NRXN3: variants seen among roughly 807,000 people sequenced by gnomAD.
NRXN3 encodes neurexin III.
NRXN3 carries 32 observed loss-of-function variants against 137.6 expected under a neutral mutation model. The observed-to-expected ratio is 0.23, with a 90% CI of 0.18 to 0.31. NRXN3 has a LOEUF of 0.31. Ranked by LOEUF, NRXN3 falls within the 10% of genes least tolerant of loss-of-function variation. The pLI is 1.00. For synonymous variants in NRXN3, 798 were observed against 784.5 expected (o/e 1.02, Z -0.29); for missense variants, 1,574 against 2,062.5 (o/e 0.76, Z 4.59).
At chr14:78,932,184 A>C (rs907115354) in intron 10 of NRXN3, among the ~76,000 whole-genome samples, 8 of 152,052 alleles carry the variant, frequency 5.3e-5, no homozygotes, top group Non-Finnish European at 1.2e-4. Context: ...AAGCCAAGGA[A>C]ATCATTTGGC....
intron 4 of NRXN3, among the ~76,000 whole-genome samples, chr14:78,525,435 T>C (rs2096363198): frequency 6.6e-6 from 1 of 152,228 alleles, no homozygotes; most frequent in Non-Finnish European, 1.5e-5. Context: ...CTATTGCTTT[T>C]ATTTGCATAA....
chr14:78,384,606 T>G (rs999509406), intron 4 of NRXN3, among the ~76,000 whole-genome samples: 13 of 152,150 alleles, frequency 8.5e-5, no homozygotes, highest in African/African-American at 3.1e-4. Context: ...GTAGACCCAC[T>G]ATAACTGGGG....
At chr14:79,827,697 T>G (rs1311823914) in intron 20 of NRXN3, among the ~76,000 whole-genome samples, 1 of 147,464 alleles carries the variant, frequency 6.8e-6, no homozygotes, top group Non-Finnish European at 1.5e-5. Context: ...CAAACTTTTT[T>G]TTTTTTTTTT....
At chr14:79,510,354 C>T (rs2096920883) in intron 16 of NRXN3, among the ~76,000 whole-genome samples, 1 of 152,024 alleles carries the variant, frequency 6.6e-6, no homozygotes, top group Non-Finnish European at 1.5e-5. Context: ...CAGCTAACAG[C>T]AGGGGAATTG....
chr14:79,831,643 G>T (rs1459002905), intron 20 of NRXN3, among the ~76,000 whole-genome samples: 1 of 152,140 alleles, frequency 6.6e-6, no homozygotes, highest in Non-Finnish European at 1.5e-5. Flanking sequence ...TCTAAGAAAT[G>T]ATGAGGATGA....
intron 10 of NRXN3, among the ~76,000 whole-genome samples, chr14:78,879,108 G>T (rs2099121288): frequency 6.6e-6 from 1 of 152,030 alleles, no homozygotes. Context: ...CCATTTATGT[G>T]TCGATGAACA....
At chr14:79,191,433 C>T (rs923883248) in intron 15 of NRXN3, among the ~76,000 whole-genome samples, 3 of 152,158 alleles carry the variant, frequency 2.0e-5, no homozygotes, top group Non-Finnish European at 4.4e-5. Flanking sequence ...CATGTTCCTG[C>T]CCAATTTTAA....
At chr14:78,728,116 T>C (rs2098495438) in intron 8 of NRXN3, among the ~76,000 whole-genome samples, 1 of 152,250 alleles carries the variant, frequency 6.6e-6, no homozygotes, top group Non-Finnish European at 1.5e-5. Flanking sequence ...CTGTCTATTC[T>C]AAAGCAATTT....
At chr14:78,638,550 G>A (rs1005768769) in intron 4 of NRXN3, among the ~76,000 whole-genome samples, 1 of 152,290 alleles carries the variant, frequency 6.6e-6, no homozygotes, top group East Asian at 1.9e-4. Context: ...AGCAGGAAAT[G>A]TCATTAAGTG....
At chr14:79,654,454 T>C (rs1005012198) in intron 16 of NRXN3, among the ~76,000 whole-genome samples, 1 of 152,196 alleles carries the variant, frequency 6.6e-6, no homozygotes, top group Non-Finnish European at 1.5e-5. Flanking sequence ...TGATCTCTGT[T>C]GCAGCTACTC....
chr14:79,692,083 T>C (rs114801780), intron 17 of NRXN3, 90 bp from the exon 18 acceptor site: 1 of 941,624 alleles, frequency 1.1e-6, no homozygotes, highest in Admixed American at 2.9e-5. Context: ...CTCTAAAAAC[T>C]TCATAAAACA....
chr14:79,485,433 T>C (rs1408564825), intron 16 of NRXN3, among the ~76,000 whole-genome samples: 1 of 152,224 alleles, frequency 6.6e-6, no homozygotes, highest in African/African-American at 2.4e-5. Flanking sequence ...TCTGAGACTA[T>C]GAATAATTCT....
chr14:79,415,739 G>A (rs554948483), intron 15 of NRXN3, among the ~76,000 whole-genome samples: 1 of 152,016 alleles, frequency 6.6e-6, no homozygotes, highest in Admixed American at 6.6e-5. Flanking sequence ...ATGTAGCATT[G>A]AGCCTATGTC....
At chr14:79,786,474 C>A (rs914361710) in intron 19 of NRXN3, among the ~76,000 whole-genome samples, 1 of 152,182 alleles carries the variant, frequency 6.6e-6, no homozygotes, top group Non-Finnish European at 1.5e-5. Context: ...GCATTTATTG[C>A]TTTTGCCTAT....
chr14:79,570,988 C>G (rs2097594853), intron 16 of NRXN3, among the ~76,000 whole-genome samples: 1 of 152,156 alleles, frequency 6.6e-6, no homozygotes, highest in Non-Finnish European at 1.5e-5. Context: ...TCCTCAATTC[C>G]TTAGAGGCCC....
At chr14:78,516,235 G>T (rs996233579) in intron 4 of NRXN3, among the ~76,000 whole-genome samples, 1 of 151,572 alleles carries the variant, frequency 6.6e-6, no homozygotes, top group African/African-American at 2.4e-5. Flanking sequence ...GTGCCCCTGG[G>T]TATTCAAAAA....
chr14:79,273,143 G>A (rs2079625214), intron 15 of NRXN3, among the ~76,000 whole-genome samples: 1 of 122,636 alleles, frequency 8.2e-6, no homozygotes, highest in African/African-American at 3.1e-5. Context: ...CTGCATTCCA[G>A]CCAGGGCGGC....
Position 78,250,107 on chromosome 14 carries a change from C to T in NRXN3, c.709+6305C>T, listed in dbSNP as rs75928863. ...TCTCATTTTTTTGGATAAGGAAGCTCGGGGCAAGAGGTTAAATAACTTGCC... is the reference window on the plus strand; with the variant it reads ...TCTCATTTTTTTGGATAAGGAAGCTTGGGGCAAGAGGTTAAATAACTTGCC... On this transcript the variant is annotated intron_variant, in intron 2 of 20. Coordinates refer to ENST00000335750, the MANE Select transcript of NRXN3 (RefSeq NM_001330195.2). 771 of 516,808 alleles carry T rather than the reference C, an allele frequency of 1.5e-3. 5 individuals are homozygous for T. The highest frequency in any genetic ancestry group is 0.013 in the African/African-American group (692 of 52,016). 32.0% of individuals were successfully genotyped at this position (516,808 alleles called of 1,614,324 possible). A position where few individuals can be genotyped will look rare whatever the true frequency, so the allele number is the denominator to read the frequency against.
intron 16 of NRXN3, among the ~76,000 whole-genome samples, chr14:79,638,830 G>C (rs2098418596): frequency 6.6e-6 from 1 of 152,196 alleles, no homozygotes; most frequent in Admixed American, 6.5e-5. Context: ...AGGCGCTGAG[G>C]CTTACCCATG....
Sources: allele counts gnomAD v4.1 joint callset (sites outside exome capture counted in the v4.1 genomes callset), GRCh38; gene constraint gnomAD v4.1.1; transcripts MANE v1.5; gene names NCBI Gene and HGNC (gene_info 2026-07-23, HGNC 2026-07-21).